Variants in CTNND2 observed in about 807,000 individuals in gnomAD.
CTNND2 encodes the protein catenin delta-2.
A neutral mutation model predicts 144.4 loss-of-function variants in CTNND2; 22 were observed. That is an observed-to-expected ratio of 0.15 (90% CI 0.11 to 0.22). CTNND2 has a LOEUF of 0.22. Ranked by LOEUF, CTNND2 falls within the 10% of genes least tolerant of loss-of-function variation. The probability of loss-of-function intolerance (pLI) is 1.00; values close to 1 mark genes in which losing one functional copy is unlikely to be tolerated. For missense variants in CTNND2, 1,353 were observed against 1,618.8 expected (o/e 0.84, Z 2.82); for synonymous variants, 751 against 695.6 (o/e 1.08, Z -1.25).
chr5:11,637,303 G>A (rs1208544194), intron 2 of CTNND2, among the ~76,000 whole-genome samples: 1 of 152,110 alleles, frequency 6.6e-6, no homozygotes, highest in Non-Finnish European at 1.5e-5. Flanking sequence ...GAAGTATAGA[G>A]ATATATTAAA....
intron 1 of CTNND2, among the ~76,000 whole-genome samples, chr5:11,839,875 A>G (rs541020225): frequency 1.3e-4 from 20 of 152,116 alleles, no homozygotes; most frequent in African/African-American, 3.9e-4. Context: ...GCTGCATCCT[A>G]TTTGCTAGAA....
chr5:11,770,444 G>T, intron 1 of CTNND2, among the ~76,000 whole-genome samples: 1 of 138,040 alleles, frequency 7.2e-6, no homozygotes, highest in African/African-American at 2.9e-5. Flanking sequence ...AGGAAGGAAG[G>T]AAGGAAGGAA....
Position 11,186,188 on chromosome 5 carries a change from C to T in CTNND2, c.1975+13260G>A, listed in dbSNP as rs1289460381. On this transcript the variant is annotated intron_variant, in intron 11 of 21. Transcript: ENST00000304623. ...GGTGAAAACTGAAGGCAACTTCAGA[C>T]GGTTCAAGAACATCCAACATTTTAC... 2.6e-5 allele frequency among the ~76,000 whole-genome samples: 4 copies of T among 152,184 alleles called. No individual in the cohort carries two copies. The East Asian group carries it at 5.8e-4, about 22-fold the overall frequency.
intron 3 of CTNND2, among the ~76,000 whole-genome samples, chr5:11,432,126 T>TTTA (rs1763353700): frequency 6.8e-6 from 1 of 146,004 alleles, no homozygotes; most frequent in African/African-American, 2.7e-5. Flanking sequence ...TGAGGCTTTT[T>TTTA]TTTTTTTTTT....
intron 1 of CTNND2, among the ~76,000 whole-genome samples, chr5:11,750,904 T>C (rs1788575936): frequency 6.6e-6 from 1 of 151,830 alleles, no homozygotes; most frequent in Non-Finnish European, 1.5e-5. Context: ...TGACTATGAA[T>C]ACTCATACAA....
At chr5:11,162,051 G>C (rs1758814854) in intron 11 of CTNND2, among the ~76,000 whole-genome samples, 1 of 151,186 alleles carries the variant, frequency 6.6e-6, no homozygotes, top group Non-Finnish European at 1.5e-5. Context: ...TTGGGAGTCT[G>C]GGGCAGGAGA....
At chr5:11,128,439 G>A (rs914770901) in intron 12 of CTNND2, among the ~76,000 whole-genome samples, 1 of 151,990 alleles carries the variant, frequency 6.6e-6, no homozygotes, top group African/African-American at 2.4e-5. Context: ...AGTGAGTCCA[G>A]TGTCTGAAGT....
intron 2 of CTNND2, among the ~76,000 whole-genome samples, chr5:11,651,151 C>T (rs968072483): frequency 6.6e-6 from 1 of 152,154 alleles, no homozygotes; most frequent in Non-Finnish European, 1.5e-5. Flanking sequence ...CAGGGCCCCA[C>T]CACTCTGTGC....
At chr5:11,372,271 G>T (rs989886423) in intron 7 of CTNND2, among the ~76,000 whole-genome samples, 6 of 152,172 alleles carry the variant, frequency 3.9e-5, no homozygotes, top group Non-Finnish European at 7.4e-5. Context: ...CCCTAGAAAA[G>T]TATATGCCCC....
rs755502439 is a variant in CTNND2 at position 11,844,365 on chromosome 5, C to A, written c.37+59452G>T. Reference sequence around the variant, plus strand: ...GAAGGGATGGATAGACTGAAATACACACACACACACATATGCACACACACA... The same window carrying A: ...GAAGGGATGGATAGACTGAAATACAAACACACACACATATGCACACACACA... On this transcript the variant is annotated intron_variant, in intron 1 of 21. Coordinates refer to ENST00000304623, the MANE Select transcript of CTNND2 (RefSeq NM_001332.4). Among the ~76,000 whole-genome samples, 6 of 151,898 alleles carry A rather than the reference C, an allele frequency of 4.0e-5. No homozygotes were observed. In the South Asian group the frequency reaches 6.2e-4, roughly 16 times the overall value.
chr5:10,981,312 G>A (rs1190958273), intron 21 of CTNND2, among the ~76,000 whole-genome samples: 1 of 152,162 alleles, frequency 6.6e-6, no homozygotes, highest in African/African-American at 2.4e-5. Context: ...TTATTTATGT[G>A]TTCTTTTACA....
chr5:11,468,236 C>T (rs1253052912), intron 3 of CTNND2, among the ~76,000 whole-genome samples: 3 of 152,158 alleles, frequency 2.0e-5, no homozygotes, highest in Non-Finnish European at 4.4e-5. Flanking sequence ...AACTTAAGAG[C>T]TAGTAACCCT....
intron 1 of CTNND2, among the ~76,000 whole-genome samples, chr5:11,802,110 T>A (rs1465679548): frequency 6.6e-6 from 1 of 151,808 alleles, no homozygotes; most frequent in African/African-American, 2.4e-5. Flanking sequence ...CCATCTCTAC[T>A]AAAAACACAA....
At chr5:11,183,015 G>GCCC (rs1291704923) in intron 11 of CTNND2, among the ~76,000 whole-genome samples, 2 of 152,164 alleles carry the variant, frequency 1.3e-5, no homozygotes. Flanking sequence ...CAGACATAGT[G>GCCC]TTTGCTTTTG....
intron 10 of CTNND2, among the ~76,000 whole-genome samples, chr5:11,225,049 T>C (rs541731072): frequency 9.2e-5 from 14 of 152,268 alleles, no homozygotes; most frequent in African/African-American, 3.4e-4. Flanking sequence ...AGAAAGTCAT[T>C]GTGAGAAAGA....
At chr5:11,282,123 T>A (rs776345110) in intron 9 of CTNND2, among the ~76,000 whole-genome samples, 12 of 152,182 alleles carry the variant, frequency 7.9e-5, no homozygotes, top group Middle Eastern at 3.4e-3. Context: ...GGCTGGCAAG[T>A]CAGTGCTGGT....
At chr5:11,795,182 C>A (rs1164480009) in intron 1 of CTNND2, among the ~76,000 whole-genome samples, 1 of 152,230 alleles carries the variant, frequency 6.6e-6, no homozygotes, top group Non-Finnish European at 1.5e-5. Flanking sequence ...GGCAAGTAAG[C>A]CTTACTGCCC....
Position 11,554,700 on chromosome 5 carries a change from T to C in CTNND2, c.287+10244A>G, listed in dbSNP as rs9647562. Reference sequence around the variant, plus strand: ...ACTATTGTTAGAACTACTATCATCCTTTTCTTAAGATCAGAGTGAAAGTAT... The same window carrying C: ...ACTATTGTTAGAACTACTATCATCCCTTTCTTAAGATCAGAGTGAAAGTAT... On this transcript the variant is annotated intron_variant, in intron 3 of 21. Coordinates refer to ENST00000304623, the MANE Select transcript of CTNND2 (RefSeq NM_001332.4). Among the ~76,000 whole-genome samples, 947 of 152,188 alleles carry C rather than the reference T, an allele frequency of 6.2e-3. 3 individuals are homozygous for C. Among genetic ancestry groups the C allele is most frequent in the Non-Finnish European group, 9.8e-3 (669 of 68,014 alleles).
intron 3 of CTNND2, among the ~76,000 whole-genome samples, chr5:11,485,422 A>T (rs1263348889): frequency 6.6e-6 from 1 of 151,932 alleles, no homozygotes; most frequent in Non-Finnish European, 1.5e-5. Context: ...CCCCCAAAAT[A>T]TCTATTTTAA....
Sources: allele counts gnomAD v4.1 joint callset (sites outside exome capture counted in the v4.1 genomes callset), GRCh38; gene constraint gnomAD v4.1.1; transcripts MANE v1.5; gene names NCBI Gene and HGNC (gene_info 2026-07-23, HGNC 2026-07-21).